The following MAEL variants were observed in gnomAD, a reference collection of about 807,000 sequenced individuals.
MAEL encodes the protein protein maelstrom homolog.
A neutral mutation model predicts 62.0 loss-of-function variants in MAEL; 46 were observed. That is an observed-to-expected ratio of 0.74 (90% CI 0.59 to 0.95). The LOEUF is 0.95. Among genes scored for constraint, MAEL ranks in the 40% least tolerant of loss-of-function variants. MAEL has a pLI of 0.00. For missense variants in MAEL, 497 were observed against 526.8 expected (o/e 0.94, Z 0.55); for synonymous variants, 172 against 175.5 (o/e 0.98, Z 0.16).
intron 1 of MAEL, among the ~76,000 whole-genome samples, chr1:166,983,248 C>T (rs1383249791): frequency 6.6e-6 from 1 of 152,128 alleles, no homozygotes; most frequent in African/African-American, 2.4e-5. Context: ...ACTGGAATCA[C>T]TCCCCTCTCT....
intron 8 of MAEL, among the ~76,000 whole-genome samples, chr1:167,007,767 C>A (rs1286725288): frequency 6.6e-6 from 1 of 151,908 alleles, no homozygotes; most frequent in Non-Finnish European, 1.5e-5. Context: ...AGAATGAGAA[C>A]CCTGGCTGTC....
intron 5 of MAEL, among the ~76,000 whole-genome samples, chr1:167,002,122 G>A (rs561258540): frequency 6.6e-6 from 1 of 152,232 alleles, no homozygotes; most frequent in Admixed American, 6.5e-5. Context: ...TTGTCTTCCA[G>A]GAACAAACCC....
intron 5 of MAEL, among the ~76,000 whole-genome samples, chr1:166,996,513 CAG>C (rs976404316): frequency 6.6e-6 from 1 of 152,176 alleles, no homozygotes; most frequent in African/African-American, 2.4e-5. Flanking sequence ...CTTCTACACA[CAG>C]AACAGATTAT....
At chr1:167,015,249 A>G (rs1665340632) in intron 8 of MAEL, among the ~76,000 whole-genome samples, 1 of 152,156 alleles carries the variant, frequency 6.6e-6, no homozygotes, top group Non-Finnish European at 1.5e-5. Flanking sequence ...TGTTTATATA[A>G]CTTAACTTTT....
chr1:166,994,761 C>G (rs1034198082), intron 5 of MAEL, among the ~76,000 whole-genome samples: 2 of 150,538 alleles, frequency 1.3e-5, no homozygotes, highest in African/African-American at 4.9e-5. Flanking sequence ...TCTCTGCCTC[C>G]TTGGTTCAAG....
chr1:166,980,742 G>C (rs6682062), intron 1 of MAEL, among the ~76,000 whole-genome samples: 46,637 of 151,984 alleles, frequency 0.31, 8,468 homozygotes, highest in African/African-American at 0.52. Flanking sequence ...GAGACCAGAA[G>C]AGCATTGACA....
intron 10 of MAEL, among the ~76,000 whole-genome samples, chr1:167,018,781 T>C (rs774977121): frequency 1.1e-4 from 17 of 152,124 alleles, no homozygotes; most frequent in Non-Finnish European, 1.2e-4. Flanking sequence ...ATGATTCCAT[T>C]CATATGACAT....
At position 166,989,466 on chromosome 1, in the gene MAEL, C is replaced by T; in HGVS notation, c.114C>T (p.Tyr38=). 2 of 1,586,912 alleles carry T rather than the reference C, an allele frequency of 1.3e-6. No homozygotes were observed. The highest frequency in any genetic ancestry group is 2.3e-5 in the East Asian group (1 of 43,810). ...CTCGCGTTGCTGATGCCATCCCTTA[C>T]TGCTCCTCAGACTGGGCGGTAAGGC... is the stretch of plus-strand genomic sequence containing the variant. ...PVARVADAIP[Y]CSSDWALLRE... The change falls in exon 1 of 12, where the codon TAC becomes TAT. Residue 38 remains tyrosine (Y), a synonymous_variant. Transcript: ENST00000367872.
chr1:167,008,230 C>T (rs1246843036), intron 8 of MAEL, among the ~76,000 whole-genome samples: 5 of 152,142 alleles, frequency 3.3e-5, no homozygotes, highest in Non-Finnish European at 7.4e-5. Flanking sequence ...TTTTCTCACA[C>T]AGATTGTGCA....
intron 9 of MAEL, 65 bp downstream of exon 9, chr1:167,016,349 G>T: frequency 2.0e-6 from 3 of 1,476,420 alleles, no homozygotes; most frequent in Non-Finnish European, 2.8e-6. Flanking sequence ...GTGCCGTTTT[G>T]CTTGCTATAG....
At chr1:166,995,931 G>T (rs996267119) in intron 5 of MAEL, among the ~76,000 whole-genome samples, 11 of 152,038 alleles carry the variant, frequency 7.2e-5, no homozygotes, top group Admixed American at 6.5e-4. Context: ...CAGAAAGCAT[G>T]GTTCTTTAAA....
chr1:166,989,498 G>C lies in MAEL; in HGVS notation c.132+14G>C. The C allele has an allele frequency of 6.3e-7, 1 of 1,579,426 alleles. No homozygotes were observed. Among genetic ancestry groups the C allele is most frequent in the Non-Finnish European group, 8.6e-7 (1 of 1,162,210 alleles). On this transcript the variant is annotated intron_variant, in intron 1 of 11. Coordinates refer to ENST00000367872, the MANE Select transcript of MAEL (RefSeq NM_032858.3). The stretch of plus-strand genomic sequence containing the variant: ...TCAGACTGGGCGGTAAGGCTGGAGC[G>C]GAGTGAGAGGGCTGGGCAGGGCAGT...
At chr1:166,993,144 A>G (rs1043536450) in intron 4 of MAEL, among the ~76,000 whole-genome samples, 2 of 152,192 alleles carry the variant, frequency 1.3e-5, no homozygotes, top group Non-Finnish European at 2.9e-5. Flanking sequence ...AAAGCCGTGT[A>G]TGCCATGATC....
In MAEL at chr1:167,005,063, T is replaced by C. The variant is rs755131159; in HGVS notation, c.649-13T>C. ...GTTTTTTTGTTTTGTTTTTTGTTTT[T>C]TGCTTTCTCCAGTCTGATGATAGAA... On this transcript the variant is annotated splice_polypyrimidine_tract_variant and intron_variant, in intron 6 of 11. Transcript: ENST00000367872. The C allele has an allele frequency of 5.3e-5, 86 of 1,612,318 alleles. No individual in the cohort carries two copies. Among genetic ancestry groups the C allele is most frequent in the Non-Finnish European group, 5.6e-5 (66 of 1,179,230 alleles).
rs188522950 is a variant in MAEL at position 166,992,415 on chromosome 1, C to T, written c.326-271C>T. Among the ~76,000 whole-genome samples the T allele has an allele frequency of 2.9e-3, 438 of 152,108 alleles. 2 individuals carry two copies. The highest frequency in any genetic ancestry group is 7.1e-3 in the African/African-American group (293 of 41,502). ...CTGAGATTCAGGGCTTATCTATGGC[C>T]GAATTATGTAGAGCTGGCTGCAAGT... On this transcript the variant is annotated intron_variant, in intron 3 of 11. Coordinates refer to ENST00000367872, the MANE Select transcript of MAEL (RefSeq NM_032858.3).
chr1:167,003,005 C>T (rs966189543), intron 5 of MAEL, among the ~76,000 whole-genome samples: 4 of 152,112 alleles, frequency 2.6e-5, no homozygotes, highest in Non-Finnish European at 5.9e-5. Flanking sequence ...GCATTTTTGT[C>T]TCTGCGGGTC....
At chr1:166,997,972 T>G (rs1002446154) in intron 5 of MAEL, among the ~76,000 whole-genome samples, 2 of 152,226 alleles carry the variant, frequency 1.3e-5, no homozygotes, top group African/African-American at 2.4e-5. Flanking sequence ...TACCCCAATA[T>G]GTAGTGCCAC....
At chr1:167,000,621 T>C (rs1171519851) in intron 5 of MAEL, among the ~76,000 whole-genome samples, 1 of 152,204 alleles carries the variant, frequency 6.6e-6, no homozygotes, top group African/African-American at 2.4e-5. Flanking sequence ...GTGAGTAAAA[T>C]GTTATCAAAC....
At chr1:166,984,001 C>CAA (rs5778528) in intron 1 of MAEL, among the ~76,000 whole-genome samples, 26,476 of 117,298 alleles carry the variant, frequency 0.23, 2,784 homozygotes, top group East Asian at 0.26. Context: ...GATCCTGTCT[C>CAA]AAAAAAAAAA....
Sources: allele counts gnomAD v4.1 joint callset (sites outside exome capture counted in the v4.1 genomes callset), GRCh38; gene constraint gnomAD v4.1.1; transcripts MANE v1.5; gene names NCBI Gene and HGNC (gene_info 2026-07-23, HGNC 2026-07-21).